Variants in PLXDC1 observed in about 807,000 individuals in gnomAD.
The protein encoded by PLXDC1 is plexin domain-containing protein 1.
In PLXDC1, 39 loss-of-function variants were observed where a neutral mutation model predicts 61.3. That is an observed-to-expected ratio of 0.64 (90% CI 0.49 to 0.83). The LOEUF (loss-of-function observed/expected upper bound fraction) is 0.83. PLXDC1 is among the 40% of genes least tolerant of loss of function. PLXDC1 has a pLI of 0.00. For synonymous variants in PLXDC1, 212 were observed against 254.5 expected (o/e 0.83, Z 1.59); for missense variants, 596 against 666.5 (o/e 0.89, Z 1.17).
At chr17:39,138,318 A>T (rs1463243582) in intron 2 of PLXDC1, among the ~76,000 whole-genome samples, 2 of 152,212 alleles carry the variant, frequency 1.3e-5, no homozygotes, top group Non-Finnish European at 2.9e-5. Flanking sequence ...AAGCAAGGGC[A>T]GGAGAGGGGG....
At position 39,066,592 on chromosome 17, in the gene PLXDC1, T is replaced by G. The variant is rs74701941; in HGVS notation, c.*1248A>C. 5.4e-5 allele frequency: 8 copies of G among 148,770 alleles called. No individual in the cohort carries two copies. The allele number at this position is 148,770 out of a possible 1,614,324, so 9.2% of individuals were successfully genotyped here. A position where few individuals can be genotyped will look rare whatever the true frequency, so the allele number is the denominator to read the frequency against. Reference sequence around the variant, plus strand: ...CTATAGCCATGAGGATCTGCTTTCTTTTTTTTTTTTTGAGACGGAGTCTCG... The same window carrying G: ...CTATAGCCATGAGGATCTGCTTTCTGTTTTTTTTTTTGAGACGGAGTCTCG... On this transcript the variant is annotated 3_prime_UTR_variant, in exon 14 of 14. Transcript: ENST00000315392.
At chr17:39,138,062 A>G (rs1420476949) in intron 2 of PLXDC1, among the ~76,000 whole-genome samples, 1 of 152,130 alleles carries the variant, frequency 6.6e-6, no homozygotes, top group Non-Finnish European at 1.5e-5. Flanking sequence ...CCTCCCAAGT[A>G]GCTGGGACTA....
intron 12 of PLXDC1, among the ~76,000 whole-genome samples, chr17:39,071,287 C>A (rs1909107784): frequency 6.6e-6 from 1 of 152,040 alleles, no homozygotes; most frequent in African/African-American, 2.4e-5. Context: ...TGCCTCTTCA[C>A]CCTATCCTAA....
At chr17:39,142,037 G>A (rs1047007250) in intron 1 of PLXDC1, among the ~76,000 whole-genome samples, 1 of 152,118 alleles carries the variant, frequency 6.6e-6, no homozygotes, top group Admixed American at 6.5e-5. Context: ...ATTGTTATGC[G>A]GGAACTGTCC....
chr17:39,141,319 C>T (rs1041754673), intron 1 of PLXDC1, among the ~76,000 whole-genome samples: 1 of 152,202 alleles, frequency 6.6e-6, no homozygotes, highest in Admixed American at 6.5e-5. Flanking sequence ...AGATATGAGC[C>T]ACAGCGCGCA....
At chr17:39,138,494 T>G (rs1911826272) in intron 2 of PLXDC1, among the ~76,000 whole-genome samples, 1 of 152,038 alleles carries the variant, frequency 6.6e-6, no homozygotes, top group Non-Finnish European at 1.5e-5. Context: ...AGCGGGAGTA[T>G]ACAAAAGCCA....
chr17:39,083,395 C>T (rs1340907532), intron 9 of PLXDC1, 64 bp downstream of exon 9: 7 of 1,309,258 alleles, frequency 5.3e-6, no homozygotes, highest in Non-Finnish European at 7.7e-6. Context: ...AGGACGGGGC[C>T]ATGCCACCCT....
chr17:39,113,238 T>C (rs1910868031), intron 2 of PLXDC1: 2 of 152,200 alleles, frequency 1.3e-5, no homozygotes, highest in Admixed American at 1.3e-4. Flanking sequence ...GAAGGCTCCT[T>C]TCCCAGGGCC....
intron 2 of PLXDC1, among the ~76,000 whole-genome samples, chr17:39,137,183 T>C (rs1405000033): frequency 6.6e-6 from 1 of 151,998 alleles, no homozygotes; most frequent in African/African-American, 2.4e-5. Flanking sequence ...AGGTCAAAAA[T>C]AAGAATCACA....
intron 2 of PLXDC1, among the ~76,000 whole-genome samples, chr17:39,128,878 C>T (rs1235822658): frequency 6.6e-6 from 1 of 152,042 alleles, no homozygotes; most frequent in East Asian, 1.9e-4. Context: ...AGTGTGGTGG[C>T]ACGCGCCTGT....
chr17:39,069,576 C>T (rs1909031042), intron 13 of PLXDC1, among the ~76,000 whole-genome samples: 1 of 152,166 alleles, frequency 6.6e-6, no homozygotes, highest in Non-Finnish European at 1.5e-5. Context: ...GGCCTTCTTT[C>T]TTTCCTCTGG....
intron 2 of PLXDC1, among the ~76,000 whole-genome samples, chr17:39,130,403 T>C (rs1407025425): frequency 3.3e-5 from 5 of 151,982 alleles, no homozygotes; most frequent in African/African-American, 7.2e-5. Context: ...CAGTGAGCCA[T>C]GATCCCACCA....
upstream of PLXDC1, among the ~76,000 whole-genome samples, chr17:39,152,032 C>T (rs114136155): frequency 4.5e-3 from 684 of 152,254 alleles, 11 homozygotes; most frequent in East Asian, 0.035. Context: ...CTGCGACTTC[C>T]TGAGCTGTTC....
At chr17:39,128,111 A>ATATATATATATATATATATATG (rs1444960892) in intron 2 of PLXDC1, among the ~76,000 whole-genome samples, 5 of 104,654 alleles carry the variant, frequency 4.8e-5, no homozygotes, top group East Asian at 3.2e-4. Flanking sequence ...ATATATATAT[A>ATATATATATATATATATATATG]TATGTATATA....
At chr17:39,139,142 C>T (rs917006779) in intron 2 of PLXDC1, among the ~76,000 whole-genome samples, 34 of 152,204 alleles carry the variant, frequency 2.2e-4, no homozygotes, top group African/African-American at 8.2e-4. Context: ...CACCCCAGAA[C>T]TGCCCCAGGC....
Position 39,106,648 on chromosome 17 carries a change from C to CTTTTTTT in PLXDC1, c.712-696_712-695insAAAAAAA, listed in dbSNP as rs199666120. On this transcript the variant is annotated intron_variant, in intron 6 of 13. Transcript: ENST00000315392. ...GCCTTCTTTTTTCTTTTTTCTTTTT[C>CTTTTTTT]TTTCTTTTTTTTTTTTTTTGAGACA... is the stretch of plus-strand genomic sequence containing the variant. Among the ~76,000 whole-genome samples the CTTTTTTT allele has an allele frequency of 4.5e-4, 55 of 122,558 alleles. 2 individuals carry two copies. The highest frequency in any genetic ancestry group is 7.6e-4 in the African/African-American group (22 of 28,908). 80.4% of individuals were successfully genotyped at this position (122,558 alleles called of 152,430 possible).
chr17:39,122,078 C>T (rs1911175682), intron 2 of PLXDC1, among the ~76,000 whole-genome samples: 2 of 112,348 alleles, frequency 1.8e-5, no homozygotes, highest in South Asian at 6.6e-4. Context: ...GCCTGGTTGA[C>T]AGTTCAAGAC....
intron 2 of PLXDC1, among the ~76,000 whole-genome samples, chr17:39,118,361 A>G (rs1806323): frequency 0.45 from 68,014 of 151,500 alleles, 15,944 homozygotes; most frequent in East Asian, 0.6. Flanking sequence ...ATACCACCAC[A>G]CCCAGCTAAT....
chr17:39,139,604 A>C, intron 2 of PLXDC1, 50 bp downstream of exon 2: 2 of 1,480,032 alleles, frequency 1.4e-6, no homozygotes, highest in Non-Finnish European at 1.9e-6. Context: ...AGCTGGTGAG[A>C]CCTCCCCCAC....
Sources: allele counts gnomAD v4.1 joint callset (sites outside exome capture counted in the v4.1 genomes callset), GRCh38; gene constraint gnomAD v4.1.1; transcripts MANE v1.5; gene names NCBI Gene and HGNC (gene_info 2026-07-23, HGNC 2026-07-21).